The following ZFAT variants were observed in gnomAD, a reference collection of about 807,000 sequenced individuals.
The protein encoded by ZFAT is zinc finger protein ZFAT.
Under a neutral mutation model 117.7 loss-of-function variants are expected in ZFAT, and 64 were observed. The observed-to-expected ratio is 0.54, with a 90% CI of 0.44 to 0.67. ZFAT has a LOEUF of 0.67. ZFAT is among the 30% of genes least tolerant of loss of function. ZFAT has a pLI of 0.00. For synonymous variants in ZFAT, 679 were observed against 615.0 expected (o/e 1.10, Z -1.54); for missense variants, 1,433 against 1,584.5 (o/e 0.90, Z 1.62).
At chr8:134,746,487 C>T in the ZFAT span, among the ~76,000 whole-genome samples, 2 of 152,280 alleles carry the variant, frequency 1.3e-5, no homozygotes, top group South Asian at 4.1e-4. Context: ...ACATTGTTGG[C>T]CCATATTTAA....
Position 134,713,000 on chromosome 8 carries a change from A to T in ZFAT, c.-137T>A. ...TTTTAAGAAAAGAGCCGGCGAGGTT[A>T]TGGCGAATCTGCGGCATCCAACATG... On this transcript the variant is annotated 5_prime_UTR_variant, in exon 1 of 16. It removes the in-frame stop codon of an upstream open reading frame in the 5' UTR. Coordinates refer to ENST00000377838, the MANE Select transcript of ZFAT (RefSeq NM_020863.4). The T allele has an allele frequency of 1.9e-6, 2 of 1,045,754 alleles. No individual in the cohort carries two copies. The highest frequency in any genetic ancestry group is 4.2e-5 in the South Asian group (2 of 47,106). 64.8% of individuals were successfully genotyped at this position (1,045,754 alleles called of 1,614,324 possible).
At chr8:134,758,902 C>A in the ZFAT span, among the ~76,000 whole-genome samples, 10 of 152,204 alleles carry the variant, frequency 6.6e-5, no homozygotes, top group African/African-American at 2.4e-4. Context: ...CCTCAGGGAA[C>A]CAGTGATGTG....
intron 15 of ZFAT, among the ~76,000 whole-genome samples, chr8:134,484,124 T>C (rs1817503254): frequency 6.6e-6 from 1 of 152,094 alleles, no homozygotes; most frequent in African/African-American, 2.4e-5. Flanking sequence ...GGAAGGTGGG[T>C]CCTGCATTGC....
In ZFAT at chr8:134,558,685, G is replaced by A. The variant is rs759164260; in HGVS notation, c.2976+6648C>T. ...TTATATTCCTTGCTGTAGTTCTTTC[G>A]AGAACTAGAGTCATTTTCAAGAGAT... On this transcript the variant is annotated intron_variant, in intron 11 of 15. Coordinates refer to ENST00000377838, the MANE Select transcript of ZFAT (RefSeq NM_020863.4). Among the ~76,000 whole-genome samples the A allele has an allele frequency of 3.4e-4, 52 of 152,192 alleles. 1 individual carries two copies. The highest frequency in any genetic ancestry group is 7.2e-4 in the Admixed American group (11 of 15,280).
the ZFAT span, among the ~76,000 whole-genome samples, chr8:134,783,238 T>A: frequency 3.9e-4 from 59 of 152,264 alleles, no homozygotes; most frequent in Middle Eastern, 3.4e-3. Flanking sequence ...ATTCCGTAAG[T>A]CAAGGGTCCC....
intron 11 of ZFAT, among the ~76,000 whole-genome samples, chr8:134,546,895 G>A (rs937433758): frequency 3.3e-5 from 5 of 152,190 alleles, no homozygotes; most frequent in Admixed American, 3.3e-4. Flanking sequence ...CAGTGGAAAC[G>A]CCTCAGTTAA....
chr8:134,752,388 G>C, the ZFAT span, among the ~76,000 whole-genome samples: 5 of 151,872 alleles, frequency 3.3e-5, no homozygotes, highest in Admixed American at 2.6e-4. Flanking sequence ...CCGCCCTTGA[G>C]CCATCTTGAA....
chr8:134,499,027 GTC>G (rs1431185528), intron 15 of ZFAT, among the ~76,000 whole-genome samples: 1 of 4,278 alleles, frequency 2.3e-4, no homozygotes, highest in African/African-American at 1.3e-3. Flanking sequence ...ATTTGGTAGG[GTC>G]GGGGTGGAGC....
intron 15 of ZFAT, among the ~76,000 whole-genome samples, chr8:134,481,727 G>A (rs1019815411): frequency 6.6e-6 from 1 of 152,230 alleles, no homozygotes; most frequent in African/African-American, 2.4e-5. Context: ...CGCTGGCCTG[G>A]AAATGGCTGC....
chr8:134,577,849 T>A (rs936180586), intron 10 of ZFAT, among the ~76,000 whole-genome samples: 11 of 152,044 alleles, frequency 7.2e-5, no homozygotes, highest in African/African-American at 2.7e-4. Flanking sequence ...GACAAAAAAG[T>A]AGTAAATAAG....
the ZFAT span, chr8:134,796,607 CAT>C: frequency 6.6e-6 from 1 of 152,072 alleles, no homozygotes; most frequent in African/African-American, 2.4e-5. Flanking sequence ...CTGCTTTTCA[CAT>C]GTGTCACTTG....
chr8:134,482,161 ACTT>A (rs1364925667), intron 15 of ZFAT, among the ~76,000 whole-genome samples: 1 of 151,840 alleles, frequency 6.6e-6, no homozygotes, highest in East Asian at 1.9e-4. Flanking sequence ...TCCCACCTTG[ACTT>A]CTTCTCTGAC....
At position 134,637,563 on chromosome 8, in the gene ZFAT, A is replaced by G. The variant is rs763175304; in HGVS notation, c.346T>C (p.Leu116=). The G allele has an allele frequency of 6.2e-7, 1 of 1,614,228 alleles. No homozygotes were observed. Among genetic ancestry groups the G allele is most frequent in the East Asian group, 2.2e-5 (1 of 44,884 alleles). Residue 116 remains leucine (L), a synonymous_variant, in exon 3 of 16, where the codon TTG becomes CTG. Transcript: ENST00000377838. ...EEGNSLPPSS[L]ECSKCCRKFS... ...TTCCGACAGCACTTGCTACACTCCA[A>G]GCTGCTTGGAGGCAGGCTGTTCCCT... is the stretch of plus-strand genomic sequence containing the variant.
chr8:134,653,226 TGC>T (rs1831366440), intron 2 of ZFAT, among the ~76,000 whole-genome samples: 1 of 138,066 alleles, frequency 7.2e-6, no homozygotes. Flanking sequence ...CGTGCAGGTT[TGC>T]TACAAATAGC....
chr8:134,688,196 T>C (rs954602868), intron 1 of ZFAT, among the ~76,000 whole-genome samples: 1 of 152,210 alleles, frequency 6.6e-6, no homozygotes, highest in Non-Finnish European at 1.5e-5. Flanking sequence ...GAACAGAGAA[T>C]TTTTTAAATC....
chr8:134,751,188 G>A, the ZFAT span, among the ~76,000 whole-genome samples: 1 of 152,264 alleles, frequency 6.6e-6, no homozygotes, highest in Non-Finnish European at 1.5e-5. Flanking sequence ...GCAGGGTTTT[G>A]AAACTTCTCT....
intron 15 of ZFAT, among the ~76,000 whole-genome samples, chr8:134,493,473 C>T (rs1051338390): frequency 1.3e-5 from 2 of 152,194 alleles, no homozygotes; most frequent in African/African-American, 2.4e-5. Flanking sequence ...AAAGAGGATG[C>T]CCATGACTAG....
intron 10 of ZFAT, among the ~76,000 whole-genome samples, chr8:134,575,777 C>T (rs4909294): frequency 0.27 from 40,733 of 152,086 alleles, 5,849 homozygotes; most frequent in East Asian, 0.52. Context: ...GTAAGAAAAG[C>T]GTCCTGCAGG....
the ZFAT span, among the ~76,000 whole-genome samples, chr8:134,745,030 G>A: frequency 2.0e-5 from 3 of 152,066 alleles, no homozygotes; most frequent in Admixed American, 2.0e-4. Context: ...GCCCGGCCAG[G>A]AAGGGCCTAC....
Sources: gnomAD v4.1 joint callset for allele counts (sites outside exome capture counted in the v4.1 genomes callset) on GRCh38, gnomAD v4.1.1 for gene constraint, MANE v1.5 for transcripts, NCBI Gene and HGNC (gene_info 2026-07-23, HGNC 2026-07-21) for gene names.